Variants in LPAR1 observed in about 807,000 individuals in gnomAD.
LPAR1 encodes the protein LPA receptor 1.
LPAR1 carries 5 observed loss-of-function variants against 23.8 expected under a neutral mutation model. The observed-to-expected ratio is 0.21, with a 90% confidence interval of 0.11 to 0.44. The LOEUF is 0.44. Among genes scored for constraint, LPAR1 ranks in the 20% least tolerant of loss-of-function variants. LPAR1 has a pLI of 0.99. For synonymous variants in LPAR1, 160 were observed against 164.7 expected (o/e 0.97, Z 0.22); for missense variants, 311 against 482.8 (o/e 0.64, Z 3.33).
At chr9:110,883,116 T>C (rs1327545935) in intron 5 of LPAR1, among the ~76,000 whole-genome samples, 1 of 152,196 alleles carries the variant, frequency 6.6e-6, no homozygotes, top group Non-Finnish European at 1.5e-5. Flanking sequence ...CTTGGCTCAC[T>C]GCAACCTCTG....
chr9:110,908,616 G>T lies in LPAR1; in HGVS notation c.793+32805C>A, dbSNP rs564888136. Among the ~76,000 whole-genome samples, 39 of 152,276 alleles carry T rather than the reference G, an allele frequency of 2.6e-4. No homozygotes were observed. In the South Asian group the frequency reaches 8.1e-3, roughly 32 times the overall value. On this transcript the variant is annotated intron_variant, in intron 5 of 5. Coordinates refer to ENST00000683809, the MANE Select transcript of LPAR1 (RefSeq NM_001351411.2). Reference sequence around the variant, plus strand: ...GTTAGTGAAGTTACCTAAGCACTGTGAGGAAGTACCTTTTCTTCTGTGGAC... The same window carrying T: ...GTTAGTGAAGTTACCTAAGCACTGTTAGGAAGTACCTTTTCTTCTGTGGAC...
chr9:110,957,005 CAG>C (rs1233340669), intron 4 of LPAR1, among the ~76,000 whole-genome samples: 2 of 152,106 alleles, frequency 1.3e-5, no homozygotes, highest in African/African-American at 4.8e-5. Context: ...GGCTATATCC[CAG>C]ATGAACATAG....
At chr9:110,954,529 A>C (rs923434634) in intron 4 of LPAR1, among the ~76,000 whole-genome samples, 1 of 152,130 alleles carries the variant, frequency 6.6e-6, no homozygotes, top group African/African-American at 2.4e-5. Flanking sequence ...TAATCAAACT[A>C]TCAAAAGTCA....
At chr9:110,960,491 A>G (rs575695069) in intron 4 of LPAR1, among the ~76,000 whole-genome samples, 31 of 152,324 alleles carry the variant, frequency 2.0e-4, no homozygotes, top group African/African-American at 7.2e-4. Flanking sequence ...AAGGGCTCCA[A>G]CTTTATCTGT....
At chr9:111,022,050 T>C (rs1251009581) in intron 2 of LPAR1, among the ~76,000 whole-genome samples, 1 of 151,396 alleles carries the variant, frequency 6.6e-6, no homozygotes, top group Non-Finnish European at 1.5e-5. Context: ...GCATTAGTAG[T>C]GTTGCCCAAT....
chr9:110,934,819 C>T (rs923193814), intron 5 of LPAR1, among the ~76,000 whole-genome samples: 2 of 139,648 alleles, frequency 1.4e-5, no homozygotes, highest in Non-Finnish European at 3.2e-5. Flanking sequence ...AACACACACA[C>T]AAACACACAC....
intron 2 of LPAR1, among the ~76,000 whole-genome samples, chr9:111,024,426 T>C (rs1564370417): frequency 1.4e-5 from 2 of 147,700 alleles, no homozygotes; most frequent in African/African-American, 4.9e-5. Context: ...TATATTTATA[T>C]ATACATATAT....
chr9:110,963,838 T>C (rs1384991089), intron 4 of LPAR1, among the ~76,000 whole-genome samples: 2 of 152,184 alleles, frequency 1.3e-5, no homozygotes, highest in Non-Finnish European at 1.5e-5. Context: ...TTTTAAAAAA[T>C]AAAGCTGAAA....
intron 4 of LPAR1, among the ~76,000 whole-genome samples, chr9:110,963,173 G>A (rs1207652112): frequency 1.3e-5 from 2 of 152,108 alleles, no homozygotes; most frequent in Non-Finnish European, 2.9e-5. Context: ...AACATGAAAG[G>A]TGTCTTATGT....
intron 2 of LPAR1, among the ~76,000 whole-genome samples, chr9:110,984,616 T>C (rs1324959760): frequency 2.0e-5 from 3 of 152,210 alleles, no homozygotes; most frequent in South Asian, 2.1e-4. Flanking sequence ...CTGGATCATA[T>C]GGTATAATTA....
At chr9:110,980,161 G>A (rs1588663776) in intron 2 of LPAR1, among the ~76,000 whole-genome samples, 1 of 152,234 alleles carries the variant, frequency 6.6e-6, no homozygotes, top group East Asian at 1.9e-4. Context: ...ATGGGAGTAT[G>A]TGAATGGTAC....
intron 5 of LPAR1, among the ~76,000 whole-genome samples, chr9:110,889,660 A>G (rs1471413488): frequency 6.6e-6 from 1 of 152,220 alleles, no homozygotes; most frequent in Non-Finnish European, 1.5e-5. Context: ...ACAACTGTTA[A>G]TAACAACAGG....
At chr9:111,021,119 G>A (rs2097551536) in intron 2 of LPAR1, among the ~76,000 whole-genome samples, 1 of 152,280 alleles carries the variant, frequency 6.6e-6, no homozygotes. Context: ...TTAATATACT[G>A]GTAAGAAAAG....
At chr9:110,949,844 C>A (rs35462309) in intron 4 of LPAR1, among the ~76,000 whole-genome samples, 2 of 152,080 alleles carry the variant, frequency 1.3e-5, no homozygotes, top group South Asian at 4.1e-4. Context: ...CAATTTCTTA[C>A]GACTAAATAG....
chr9:111,001,432 TCAGAGGTACA>T (rs2097126624), intron 2 of LPAR1, among the ~76,000 whole-genome samples: 1 of 152,062 alleles, frequency 6.6e-6, no homozygotes, highest in Admixed American at 6.6e-5. Context: ...GGCTAGACAT[TCAGAGGTACA>T]CAAAGTTTCA....
intron 2 of LPAR1, among the ~76,000 whole-genome samples, chr9:111,006,756 A>C (rs956753265): frequency 6.6e-6 from 1 of 152,216 alleles, no homozygotes; most frequent in Admixed American, 6.5e-5. Context: ...AAAATACAGT[A>C]GAATGTTTAT....
chr9:110,944,393 A>G (rs1202256889), intron 4 of LPAR1, among the ~76,000 whole-genome samples: 1 of 152,246 alleles, frequency 6.6e-6, no homozygotes, highest in African/African-American at 2.4e-5. Flanking sequence ...TAAATTAAAG[A>G]TATTTCCAAA....
intron 5 of LPAR1, among the ~76,000 whole-genome samples, chr9:110,910,924 G>C (rs2092346941): frequency 6.6e-6 from 1 of 152,118 alleles, no homozygotes; most frequent in Admixed American, 6.6e-5. Flanking sequence ...AAAGAAAGTG[G>C]TCTCTGGAGA....
At chr9:110,971,849 C>T (rs1298326409) in intron 4 of LPAR1, among the ~76,000 whole-genome samples, 1 of 151,700 alleles carries the variant, frequency 6.6e-6, no homozygotes, top group Admixed American at 6.6e-5. Flanking sequence ...CCAAGGCCTC[C>T]TATGAACAGA....
Sources: allele counts gnomAD v4.1 joint callset (sites outside exome capture counted in the v4.1 genomes callset), GRCh38; gene constraint gnomAD v4.1.1; transcripts MANE v1.5; gene names NCBI Gene and HGNC (gene_info 2026-07-23, HGNC 2026-07-21).